The following CREB5 variants were observed in gnomAD, a reference collection of about 807,000 sequenced individuals.
The protein encoded by CREB5 is cAMP responsive element binding protein 5.
In CREB5, 19 loss-of-function variants were observed where a neutral mutation model predicts 57.1. That is an observed-to-expected ratio of 0.33 (90% CI 0.23 to 0.49). The LOEUF is 0.49. Ranked by LOEUF, CREB5 falls within the 20% of genes least tolerant of loss-of-function variation. CREB5 has a pLI of 0.99. For missense variants in CREB5, 579 were observed against 671.6 expected (o/e 0.86, Z 1.52); for synonymous variants, 238 against 238.3 (o/e 1.00, Z 0.01).
chr7:28,571,631 C>T (rs370784170), intron 5 of CREB5, among the ~76,000 whole-genome samples: 1 of 152,138 alleles, frequency 6.6e-6, no homozygotes, highest in Non-Finnish European at 1.5e-5. Context: ...TCTAGCCCCT[C>T]GCAATGTGCC....
intron 1 of CREB5, among the ~76,000 whole-genome samples, chr7:28,363,934 A>G (rs1327463363): frequency 6.6e-6 from 1 of 152,246 alleles, no homozygotes; most frequent in Non-Finnish European, 1.5e-5. Flanking sequence ...GTTAACATGC[A>G]CAAGGAAGTT....
intron 5 of CREB5, among the ~76,000 whole-genome samples, chr7:28,695,084 G>A (rs1033280963): frequency 2.0e-5 from 3 of 151,982 alleles, no homozygotes; most frequent in African/African-American, 7.3e-5. Flanking sequence ...AAAATTAGCC[G>A]GGCATGGTAT....
intron 9 of CREB5, among the ~76,000 whole-genome samples, chr7:28,811,127 AC>A (rs1809096200): frequency 6.6e-6 from 1 of 152,106 alleles, no homozygotes; most frequent in African/African-American, 2.4e-5. Context: ...TAGTGTCTAC[AC>A]TCAGTAACTT....
chr7:28,346,106 T>C (rs1786053686), intron 1 of CREB5, among the ~76,000 whole-genome samples: 1 of 152,040 alleles, frequency 6.6e-6, no homozygotes, highest in Admixed American at 6.5e-5. Context: ...TATTTGGGAA[T>C]GCTCTTGTGA....
At chr7:28,519,256 TG>T (rs1216430988) in intron 4 of CREB5, among the ~76,000 whole-genome samples, 1 of 152,148 alleles carries the variant, frequency 6.6e-6, no homozygotes, top group Non-Finnish European at 1.5e-5. Context: ...ACAATACATG[TG>T]TATATGTTTT....
chr7:28,819,475 ATATC>A lies in CREB5; in HGVS notation c.*201_*204del. 3.7e-6 allele frequency: 2 copies of A among 544,460 alleles called. No homozygotes were observed. The highest frequency in any genetic ancestry group is 6.1e-6 in the Non-Finnish European group (2 of 325,422). 33.7% of individuals were successfully genotyped at this position (544,460 alleles called of 1,614,324 possible). On this transcript the variant is annotated 3_prime_UTR_variant, in exon 11 of 11. Coordinates refer to ENST00000357727, the MANE Select transcript of CREB5 (RefSeq NM_182898.4). ...AAGAAAAAAGGGAGTTATGCAATTA[ATATC>A]TATCAGCTTGGGAAACGCTTTGGTG...
At chr7:28,306,541 GTTTTGTTTTTTTTGTTTTTTT>G (rs1213426224) in intron 1 of CREB5, among the ~76,000 whole-genome samples, 4 of 44,458 alleles carry the variant, frequency 9.0e-5, no homozygotes, top group Non-Finnish European at 9.5e-5. Context: ...TACAGATACA[GTTTTGTTTTTTTTGTTTTTTT>G]TTTTTTTTTT....
At chr7:28,441,020 C>T (rs193052886) in intron 1 of CREB5, among the ~76,000 whole-genome samples, 1 of 151,960 alleles carries the variant, frequency 6.6e-6, no homozygotes, top group Non-Finnish European at 1.5e-5. Context: ...ATTTTTAGAC[C>T]CTTGTGTATT....
At chr7:28,317,188 C>T (rs1785399169) in intron 1 of CREB5, among the ~76,000 whole-genome samples, 1 of 152,026 alleles carries the variant, frequency 6.6e-6, no homozygotes, top group Non-Finnish European at 1.5e-5. Context: ...CTCCCTGTTG[C>T]ATGGTGTAAA....
At chr7:28,409,001 C>T (rs1456234645), upstream of CREB5, among the ~76,000 whole-genome samples, 1 of 152,004 alleles carries the variant, frequency 6.6e-6, no homozygotes, top group Non-Finnish European at 1.5e-5. This position sits in a 1 kb window ranked among gnomAD's most constrained non-coding sequence, Gnocchi z 4.4. Flanking sequence ...ATCAGGCCCT[C>T]CCCGCAGAAG....
intron 5 of CREB5, among the ~76,000 whole-genome samples, chr7:28,619,785 G>A (rs1797727316): frequency 6.6e-6 from 1 of 152,188 alleles, no homozygotes; most frequent in African/African-American, 2.4e-5. Context: ...TCCAAGTCTT[G>A]TGGGGAGCAG....
chr7:28,374,706 C>G (rs556853534), intron 1 of CREB5, among the ~76,000 whole-genome samples: 1 of 152,030 alleles, frequency 6.6e-6, no homozygotes, highest in Non-Finnish European at 1.5e-5. Flanking sequence ...AGTGGGTGTT[C>G]GCTGTTTGAA....
At chr7:28,660,184 A>C (rs1799545595) in intron 5 of CREB5, among the ~76,000 whole-genome samples, 1 of 152,202 alleles carries the variant, frequency 6.6e-6, no homozygotes, top group Admixed American at 6.5e-5. Context: ...CTATAAAAAC[A>C]AAGACAACAT....
At chr7:28,425,841 C>T (rs773377149) in intron 1 of CREB5, among the ~76,000 whole-genome samples, 13 of 152,186 alleles carry the variant, frequency 8.5e-5, no homozygotes, top group Non-Finnish European at 4.4e-5. Context: ...TTTCCAACTG[C>T]GCCTTTGACA....
At chr7:28,600,409 A>T (rs1186567040) in intron 5 of CREB5, among the ~76,000 whole-genome samples, 2 of 152,166 alleles carry the variant, frequency 1.3e-5, no homozygotes, top group African/African-American at 4.8e-5. Flanking sequence ...CAATTCTTAC[A>T]TGCAGAGTCT....
chr7:28,783,556 G>C (rs1807119074), intron 7 of CREB5, among the ~76,000 whole-genome samples: 2 of 151,956 alleles, frequency 1.3e-5, no homozygotes, highest in African/African-American at 4.8e-5. Context: ...AGGTTATTTT[G>C]AAATTAAAAA....
intron 5 of CREB5, among the ~76,000 whole-genome samples, chr7:28,692,075 A>G (rs1230827496): frequency 6.6e-6 from 1 of 151,044 alleles, no homozygotes; most frequent in African/African-American, 2.4e-5. Flanking sequence ...AGTCCCAGCT[A>G]CTTAGGAGGC....
rs373637259 is a variant in CREB5 at position 28,456,201 on chromosome 7, C to T, written c.4-31974C>T. Among the ~76,000 whole-genome samples the T allele has an allele frequency of 3.6e-4, 54 of 152,036 alleles. No homozygotes were observed. In the East Asian group the frequency reaches 8.8e-3, roughly 25 times the overall value. ...CCTCTTAAGAGGAAAAAAATGTTCC[C>T]TCTGAAGCATGTACTAAAGAGAAAG... On this transcript the variant is annotated intron_variant, in intron 1 of 10. Coordinates refer to ENST00000357727, the MANE Select transcript of CREB5 (RefSeq NM_182898.4).
intron 1 of CREB5, among the ~76,000 whole-genome samples, chr7:28,424,049 G>A (rs1286900165): frequency 6.6e-6 from 1 of 152,174 alleles, no homozygotes; most frequent in Admixed American, 6.5e-5. Flanking sequence ...CTGTGAGGAA[G>A]AATCTGTTCC....
Sources: gnomAD v4.1 joint callset for allele counts (sites outside exome capture counted in the v4.1 genomes callset) on GRCh38, gnomAD v4.1.1 for gene constraint, Gnocchi (gnomAD v3.1) non-coding constraint, MANE v1.5 for transcripts, NCBI Gene and HGNC (gene_info 2026-07-23, HGNC 2026-07-21) for gene names.